The following PLCL1 variants were observed in gnomAD, a reference collection of about 807,000 sequenced individuals.
PLCL1 encodes phospholipase C like 1 (inactive), also known as inactive phospholipase C-like protein 1.
PLCL1 carries 41 observed loss-of-function variants against 84.4 expected under a neutral mutation model. That is an observed-to-expected ratio of 0.49 (90% CI 0.38 to 0.63). The LOEUF is 0.63. Among genes scored for constraint, PLCL1 ranks in the 30% least tolerant of loss-of-function variants. The probability of loss-of-function intolerance (pLI) is 0.00; values close to 1 mark genes in which losing one functional copy is unlikely to be tolerated. For synonymous variants in PLCL1, 490 were observed against 488.3 expected (o/e 1.00, Z -0.05); for missense variants, 1,206 against 1,367.8 (o/e 0.88, Z 1.87).
chr2:198,011,694 G>C (rs1383624731), intron 1 of PLCL1, among the ~76,000 whole-genome samples: 1 of 152,084 alleles, frequency 6.6e-6, no homozygotes, highest in Non-Finnish European at 1.5e-5. Context: ...TGATAACTGA[G>C]AGTGGGGTAT....
chr2:198,105,512 T>C (rs368075016), intron 5 of PLCL1, among the ~76,000 whole-genome samples: 1 of 151,974 alleles, frequency 6.6e-6, no homozygotes, highest in African/African-American at 2.4e-5. Context: ...GGGAGCTGCA[T>C]ACTGGAATTA....
chr2:197,901,170 C>T lies in PLCL1; in HGVS notation c.240+95831C>T, dbSNP rs189028674. On this transcript the variant is annotated intron_variant, in intron 1 of 5. Transcript: ENST00000428675. ...ACAGACAATAGAAGTGAAGCTTTTT[C>T]GAATCAGAATCCAGAATCAGTATAT... 2.2e-3 allele frequency among the ~76,000 whole-genome samples: 339 copies of T among 152,204 alleles called. 3 individuals carry two copies. The highest frequency in any genetic ancestry group is 0.013 in the Admixed American group (202 of 15,296).
intron 1 of PLCL1, among the ~76,000 whole-genome samples, chr2:197,980,957 A>G (rs929905330): frequency 6.6e-6 from 1 of 152,230 alleles, no homozygotes; most frequent in South Asian, 2.1e-4. Flanking sequence ...AGGATGTTTC[A>G]TGCACAGTTC....
rs79779781 is a variant in PLCL1 at position 197,839,627 on chromosome 2, G to T, written c.240+34288G>T. Among the ~76,000 whole-genome samples the T allele has an allele frequency of 4.1e-4, 63 of 152,246 alleles. 1 individual carries two copies. In the East Asian group the frequency reaches 0.012, roughly 29 times the overall value. On this transcript the variant is annotated intron_variant, in intron 1 of 5. Coordinates refer to ENST00000428675, the MANE Select transcript of PLCL1 (RefSeq NM_006226.4). ...ACCGGTCCGTAGCCATGGGATTGGG[G>T]ACCCCTCTTCTAAATAATAATTCTA... is the stretch of plus-strand genomic sequence containing the variant.
At chr2:198,059,328 A>T (rs1692139619) in intron 1 of PLCL1, among the ~76,000 whole-genome samples, 1 of 152,236 alleles carries the variant, frequency 6.6e-6, no homozygotes, top group African/African-American at 2.4e-5. Flanking sequence ...TTTAAATTTG[A>T]TGTATCTCAT....
chr2:197,978,981 C>T (rs1317913663), intron 1 of PLCL1, among the ~76,000 whole-genome samples: 5 of 152,200 alleles, frequency 3.3e-5, no homozygotes, highest in African/African-American at 4.8e-5. Context: ...AACAGAGTGA[C>T]GCTATTCAAG....
At chr2:197,949,306 G>T (rs927142654) in intron 1 of PLCL1, among the ~76,000 whole-genome samples, 6 of 152,164 alleles carry the variant, frequency 3.9e-5, no homozygotes, top group African/African-American at 1.4e-4. Context: ...CAGATGCCCA[G>T]ATTTGTGAAT....
At chr2:197,894,371 C>T (rs1688092146) in intron 1 of PLCL1, among the ~76,000 whole-genome samples, 2 of 151,900 alleles carry the variant, frequency 1.3e-5, no homozygotes, top group South Asian at 4.1e-4. Context: ...AGTTTCCTGC[C>T]ACTGATGAAT....
chr2:197,846,785 G>A (rs1405105295), intron 1 of PLCL1, among the ~76,000 whole-genome samples: 4 of 152,236 alleles, frequency 2.6e-5, no homozygotes, highest in Admixed American at 1.3e-4. Flanking sequence ...CAACGAAGTC[G>A]CACAAATATT....
At chr2:198,083,391 C>A (rs904768390) in intron 1 of PLCL1, among the ~76,000 whole-genome samples, 1 of 152,028 alleles carries the variant, frequency 6.6e-6, no homozygotes, top group Non-Finnish European at 1.5e-5. Flanking sequence ...AATGAGGAAA[C>A]CTTTAAAAAA....
chr2:197,917,780 G>A (rs1194510696), intron 1 of PLCL1, among the ~76,000 whole-genome samples: 1 of 152,096 alleles, frequency 6.6e-6, no homozygotes, highest in South Asian at 2.1e-4. Flanking sequence ...ATCTTGTAGT[G>A]CCATGAAGTA....
At chr2:198,129,277 C>T (rs1694065818) in intron 5 of PLCL1, among the ~76,000 whole-genome samples, 1 of 152,066 alleles carries the variant, frequency 6.6e-6, no homozygotes, top group South Asian at 2.1e-4. Flanking sequence ...GAAGCATTTG[C>T]CATCTATTGC....
At chr2:197,838,225 C>T (rs1403980965) in intron 1 of PLCL1, among the ~76,000 whole-genome samples, 1 of 152,066 alleles carries the variant, frequency 6.6e-6, no homozygotes, top group Admixed American at 6.5e-5. Flanking sequence ...TTTCAGTTTC[C>T]CTTTGGCTAT....
chr2:198,132,286 T>C (rs74636987), intron 5 of PLCL1, among the ~76,000 whole-genome samples: 3,954 of 152,238 alleles, frequency 0.026, 168 homozygotes, highest in African/African-American at 0.09. Flanking sequence ...GTTTTGGCTG[T>C]GGTGGTTGGT....
At chr2:197,899,398 C>G (rs1688218626) in intron 1 of PLCL1, among the ~76,000 whole-genome samples, 1 of 151,838 alleles carries the variant, frequency 6.6e-6, no homozygotes, top group South Asian at 2.1e-4. Flanking sequence ...GTCTGAATAC[C>G]TACTGGTACT....
chr2:198,102,040 G>A (rs1036845369), intron 4 of PLCL1, among the ~76,000 whole-genome samples: 11 of 152,110 alleles, frequency 7.2e-5, no homozygotes, highest in Admixed American at 2.6e-4. Flanking sequence ...CATTATATCC[G>A]ATTTATAGAT....
chr2:198,054,148 C>T (rs1223631002), intron 1 of PLCL1, among the ~76,000 whole-genome samples: 1 of 152,072 alleles, frequency 6.6e-6, no homozygotes, highest in Non-Finnish European at 1.5e-5. Flanking sequence ...ATGTATGCAC[C>T]CAACATCAGA....
intron 5 of PLCL1, among the ~76,000 whole-genome samples, chr2:198,142,579 T>C (rs1694415178): frequency 6.6e-6 from 1 of 152,182 alleles, no homozygotes. Context: ...AATTCAGAAT[T>C]TCTATAATGA....
At chr2:198,106,734 C>T (rs1246787184) in intron 5 of PLCL1, among the ~76,000 whole-genome samples, 1 of 151,856 alleles carries the variant, frequency 6.6e-6, no homozygotes, top group Non-Finnish European at 1.5e-5. Flanking sequence ...GATCAGCACT[C>T]AAGGCTAGGT....
Sources: gnomAD v4.1 joint callset for allele counts (sites outside exome capture counted in the v4.1 genomes callset) on GRCh38, gnomAD v4.1.1 for gene constraint, MANE v1.5 for transcripts, NCBI Gene and HGNC (gene_info 2026-07-23, HGNC 2026-07-21) for gene names.